The following PARD3 variants were observed in gnomAD, a reference collection of about 807,000 sequenced individuals.
The protein encoded by PARD3 is par-3 family cell polarity regulator.
A neutral mutation model predicts 155.4 loss-of-function variants in PARD3; 75 were observed. The ratio of observed to expected loss-of-function variants is 0.48; its 90% CI spans 0.40 to 0.58. PARD3 has a LOEUF of 0.58. Among genes scored for constraint, PARD3 ranks in the 20% least tolerant of loss-of-function variants. The pLI, the probability that PARD3 is intolerant of heterozygous loss-of-function variation, is 0.00. For synonymous variants in PARD3, 576 were observed against 610.5 expected, an observed-to-expected ratio of 0.94 and a Z score of 0.83; for missense variants, 1,642 against 1,721.7, an observed-to-expected ratio of 0.95 and a Z score of 0.82.
chr10:34,482,582 G>GTCCAACAGGGAC (rs1376386700), intron 3 of PARD3, among the ~76,000 whole-genome samples: 4,665 of 152,192 alleles, frequency 0.031, 236 homozygotes, highest in African/African-American at 0.11. Context: ...ACAGTTAGAA[G>GTCCAACAGGGAC]AGTACTAAAT....
chr10:34,445,189 T>A (rs371051435), intron 5 of PARD3, among the ~76,000 whole-genome samples: 1 of 152,192 alleles, frequency 6.6e-6, no homozygotes, highest in South Asian at 2.1e-4. Context: ...TAAAGTCAGA[T>A]GACTTTCCGG....
At chr10:34,621,207 GTTTT>G (rs776876508) in intron 2 of PARD3, among the ~76,000 whole-genome samples, 5 of 151,646 alleles carry the variant, frequency 3.3e-5, no homozygotes, top group South Asian at 4.2e-4. Flanking sequence ...TTTTTTGGGG[GTTTT>G]TTTTGTTGTT....
chr10:34,303,132 C>T (rs1245785236), intron 20 of PARD3, among the ~76,000 whole-genome samples: 1 of 147,698 alleles, frequency 6.8e-6, no homozygotes, highest in Non-Finnish European at 1.5e-5. Context: ...AAAAATAAAA[C>T]CCTCAGAATT....
At chr10:34,241,455 A>C (rs575359983) in intron 22 of PARD3, among the ~76,000 whole-genome samples, 1 of 152,312 alleles carries the variant, frequency 6.6e-6, no homozygotes, top group South Asian at 2.1e-4. Context: ...GGGAGGGCAC[A>C]GGGTGTCTAG....
rs115750231 is a variant in PARD3, at chr10:34,329,509, T to A, written c.2833+1608A>T. Among the ~76,000 whole-genome samples, 681 of 152,300 alleles carry A rather than the reference T, an allele frequency of 4.5e-3. 7 individuals carry two copies. Among genetic ancestry groups the A allele is most frequent in the African/African-American group, 0.016 (646 of 41,568 alleles). ...AACTCAATAGGGTCGAAAGCTTATATGACTCAGGATCTTGGAGACCAGGTT... is the reference window on the plus strand; with the variant it reads ...AACTCAATAGGGTCGAAAGCTTATAAGACTCAGGATCTTGGAGACCAGGTT... On this transcript the variant is annotated intron_variant, in intron 19 of 24. Transcript: ENST00000374788.
intron 4 of PARD3, among the ~76,000 whole-genome samples, chr10:34,457,347 G>T (rs976545459): frequency 3.9e-5 from 6 of 152,184 alleles, no homozygotes; most frequent in African/African-American, 1.4e-4. Context: ...CCACATCCAG[G>T]ATGCTCGTTT....
rs201014788 is a variant in PARD3 at position 34,331,178 on chromosome 10, A to G, written c.2772T>C (p.Ala924=). 6.8e-6 allele frequency: 11 copies of G among 1,613,952 alleles called. No homozygotes were observed. The highest frequency in any genetic ancestry group is 9.3e-6 in the Non-Finnish European group (11 of 1,180,002). The change falls in exon 19 of 25, where the codon GCT becomes GCC. Residue 924 remains alanine (A), a synonymous_variant. Transcript: ENST00000374788. ...GTTTATCATAAGATTTGTCGATGGC[A>G]GCTCTGAAGCTCTCATTGCATCCCC... ...RGRGCNESFR[A]AIDKSYDKPA...
intron 1 of PARD3, among the ~76,000 whole-genome samples, chr10:34,750,631 T>C (rs1454985874): frequency 6.6e-6 from 1 of 152,124 alleles, no homozygotes; most frequent in Admixed American, 6.5e-5. Context: ...CTAATTAAGT[T>C]TTATAAATGT....
intron 7 of PARD3, among the ~76,000 whole-genome samples, chr10:34,390,291 C>T (rs903025074): frequency 3.9e-5 from 6 of 152,072 alleles, no homozygotes; most frequent in Admixed American, 1.3e-4. Context: ...CTCCCAGATT[C>T]ATGATATAAG....
At chr10:34,331,901 G>C (rs1170825385) in intron 18 of PARD3, among the ~76,000 whole-genome samples, 1 of 152,154 alleles carries the variant, frequency 6.6e-6, no homozygotes, top group African/African-American at 2.4e-5. Context: ...CACCAAAACA[G>C]TTAGGGCAAC....
intron 1 of PARD3, among the ~76,000 whole-genome samples, chr10:34,793,122 C>T (rs1173303074): frequency 6.6e-6 from 1 of 152,156 alleles, no homozygotes; most frequent in African/African-American, 2.4e-5. Context: ...GCCTTGAGCC[C>T]ACCTGGGGAG....
chr10:34,525,772 G>A (rs115646001), intron 2 of PARD3, among the ~76,000 whole-genome samples: 4 of 151,454 alleles, frequency 2.6e-5, no homozygotes, highest in Admixed American at 6.6e-5. Flanking sequence ...CTCTGTGCCC[G>A]GCCAAAATAT....
At chr10:34,179,122 G>A (rs1950156953) in intron 22 of PARD3, among the ~76,000 whole-genome samples, 1 of 152,112 alleles carries the variant, frequency 6.6e-6, no homozygotes, top group African/African-American at 2.4e-5. Flanking sequence ...TTCTAACACA[G>A]AAATAGCATA....
intron 2 of PARD3, among the ~76,000 whole-genome samples, chr10:34,524,492 C>G (rs183057203): frequency 6.6e-6 from 1 of 152,176 alleles, no homozygotes; most frequent in Non-Finnish European, 1.5e-5. Flanking sequence ...ACCCACTGAG[C>G]CTTCAGACTA....
At chr10:34,313,389 C>T (rs1361691791) in intron 20 of PARD3, among the ~76,000 whole-genome samples, 1 of 152,150 alleles carries the variant, frequency 6.6e-6, no homozygotes, top group Non-Finnish European at 1.5e-5. Context: ...TTAATACAAA[C>T]AGGAAAAACT....
intron 10 of PARD3, among the ~76,000 whole-genome samples, chr10:34,376,589 C>A (rs545715936): frequency 8.5e-5 from 13 of 152,188 alleles, no homozygotes; most frequent in Non-Finnish European, 1.3e-4. Flanking sequence ...TGTACTCAAA[C>A]ATCTGTTATT....
intron 2 of PARD3, among the ~76,000 whole-genome samples, chr10:34,526,196 A>G (rs1298592785): frequency 6.6e-6 from 1 of 152,018 alleles, no homozygotes; most frequent in Non-Finnish European, 1.5e-5. Context: ...CAGCCTCTCT[A>G]AACTGTAATT....
At chr10:34,139,802 T>C (rs1162174071) in intron 22 of PARD3, among the ~76,000 whole-genome samples, 1 of 152,196 alleles carries the variant, frequency 6.6e-6, no homozygotes, top group African/African-American at 2.4e-5. Flanking sequence ...AACAAGTTCT[T>C]GAACTGGGAT....
chr10:34,344,355 T>TG, intron 15 of PARD3: 5 of 856,304 alleles, frequency 5.8e-6, no homozygotes, highest in Non-Finnish European at 7.0e-6. Flanking sequence ...CGATTTCAGC[T>TG]CAATGCAAGC....
Sources: allele counts gnomAD v4.1 joint callset (sites outside exome capture counted in the v4.1 genomes callset), GRCh38; gene constraint gnomAD v4.1.1; transcripts MANE v1.5; gene names NCBI Gene and HGNC (gene_info 2026-07-23, HGNC 2026-07-21).